GRIK2: variants seen among roughly 807,000 people sequenced by gnomAD.
GRIK2 encodes the protein glutamate receptor ionotropic, kainate 2.
Under a neutral mutation model 100.3 loss-of-function variants are expected in GRIK2, and 32 were observed. The ratio of observed to expected loss-of-function variants is 0.32; its 90% confidence interval spans 0.24 to 0.43. The LOEUF is 0.43. GRIK2 is among the 20% of genes least tolerant of loss of function. GRIK2 has a pLI of 1.00. For synonymous variants in GRIK2, 417 were observed against 389.4 expected, an observed-to-expected ratio of 1.07 and a Z score of -0.83; for missense variants, 843 against 1,114.9, an observed-to-expected ratio of 0.76 and a Z score of 3.47.
intron 14 of GRIK2, among the ~76,000 whole-genome samples, chr6:101,947,509 T>A (rs2852596): frequency 0.044 from 6,628 of 152,236 alleles, 487 homozygotes; most frequent in African/African-American, 0.15. Context: ...TTAAGGAGCA[T>A]TATAAGTACA....
intron 15 of GRIK2, among the ~76,000 whole-genome samples, chr6:102,039,600 C>T (rs1486078841): frequency 6.6e-6 from 1 of 151,590 alleles, no homozygotes; most frequent in East Asian, 2.0e-4. Context: ...AACATTTCTC[C>T]TCCTTAATAG....
intron 2 of GRIK2, among the ~76,000 whole-genome samples, chr6:101,499,409 A>G (rs564842679): frequency 6.6e-6 from 1 of 152,236 alleles, no homozygotes; most frequent in South Asian, 2.1e-4. Flanking sequence ...AGCTGTCATA[A>G]CATAAGGCTT....
At chr6:101,532,961 GAA>G (rs1775516394) in intron 2 of GRIK2, among the ~76,000 whole-genome samples, 1 of 151,678 alleles carries the variant, frequency 6.6e-6, no homozygotes, top group Non-Finnish European at 1.5e-5. Context: ...ATGAGGAAAA[GAA>G]AGGATGAAAA....
intron 14 of GRIK2, among the ~76,000 whole-genome samples, chr6:102,015,810 T>C (rs1795806027): frequency 6.6e-6 from 1 of 152,132 alleles, no homozygotes; most frequent in Non-Finnish European, 1.5e-5. Flanking sequence ...TCCCTAACCT[T>C]GAGGAACCAG....
intron 4 of GRIK2, among the ~76,000 whole-genome samples, chr6:101,645,329 G>GCT (rs946315419): frequency 2.0e-5 from 3 of 151,718 alleles, no homozygotes; most frequent in Admixed American, 6.6e-5. Flanking sequence ...ATATGCTGTT[G>GCT]CTCTCTCTCT....
chr6:101,753,814 T>C (rs1310169292), intron 7 of GRIK2, among the ~76,000 whole-genome samples: 2 of 152,064 alleles, frequency 1.3e-5, no homozygotes, highest in Non-Finnish European at 1.5e-5. Context: ...TAGCATAGAA[T>C]ATATTAAAAT....
intron 2 of GRIK2, among the ~76,000 whole-genome samples, chr6:101,592,586 C>CATATATATATATATATAT (rs1491243587): frequency 5.1e-4 from 27 of 53,376 alleles, no homozygotes; most frequent in South Asian, 8.1e-4. Context: ...TTACTAATAT[C>CATATATATATATATATAT]ACATATATAT....
At chr6:101,555,488 T>A (rs1225033247) in intron 2 of GRIK2, among the ~76,000 whole-genome samples, 1 of 152,190 alleles carries the variant, frequency 6.6e-6, no homozygotes, top group Non-Finnish European at 1.5e-5. Flanking sequence ...TATTTCAGAC[T>A]AACTCCTATA....
intron 14 of GRIK2, among the ~76,000 whole-genome samples, chr6:101,958,253 T>TTGTGTGTGTGTGTGTGTGTG (rs1554292720): frequency 0.063 from 8,786 of 139,074 alleles, 486 homozygotes; most frequent in East Asian, 0.25. Context: ...TGCTACATAT[T>TTGTGTGTGTGTGTGTGTGTG]TGTGTGTGTG....
intron 2 of GRIK2, among the ~76,000 whole-genome samples, chr6:101,518,246 G>A (rs548240638): frequency 1.3e-5 from 2 of 152,288 alleles, no homozygotes; most frequent in Non-Finnish European, 1.5e-5. Flanking sequence ...AACAGTCACT[G>A]TTAATGTATT....
intron 7 of GRIK2, among the ~76,000 whole-genome samples, chr6:101,708,744 A>G (rs918103160): frequency 6.6e-6 from 1 of 151,758 alleles, no homozygotes; most frequent in Non-Finnish European, 1.5e-5. Context: ...ACATATTTTA[A>G]TTTTTGACAT....
chr6:101,909,381 T>TTTTTTTG (rs1562480959), intron 12 of GRIK2, among the ~76,000 whole-genome samples: 2 of 136,126 alleles, frequency 1.5e-5, no homozygotes, highest in Non-Finnish European at 3.1e-5. Flanking sequence ...GTTTTCTTTT[T>TTTTTTTG]CTTTTTTTTT....
chr6:101,531,574 T>C (rs1447818761), intron 2 of GRIK2, among the ~76,000 whole-genome samples: 2 of 151,828 alleles, frequency 1.3e-5, no homozygotes, highest in African/African-American at 4.8e-5. Flanking sequence ...TATAGGTATA[T>C]AGGTTTATAA....
Position 101,583,052 on chromosome 6 carries a change from G to A in GRIK2, c.116-38897G>A, listed in dbSNP as rs546832482. Reference sequence around the variant, plus strand: ...GAGACAATCAGGCAAGGCCAAGGGAGGCATAACAGAGAAAGGCCAGGAGGC... The same window carrying A: ...GAGACAATCAGGCAAGGCCAAGGGAAGCATAACAGAGAAAGGCCAGGAGGC... On this transcript the variant is annotated intron_variant, in intron 2 of 16. Transcript: ENST00000369134. Among the ~76,000 whole-genome samples the A allele has an allele frequency of 4.6e-5, 7 of 152,256 alleles. 1 individual carries two copies. In the South Asian group the frequency reaches 1.5e-3, roughly 32 times the overall value.
intron 11 of GRIK2, among the ~76,000 whole-genome samples, chr6:101,861,854 T>A (rs1395272881): frequency 1.3e-5 from 2 of 152,058 alleles, no homozygotes; most frequent in Non-Finnish European, 2.9e-5. Context: ...ACATACAAAT[T>A]TATTTAACTT....
intron 15 of GRIK2, among the ~76,000 whole-genome samples, chr6:102,035,889 T>G (rs1302776267): frequency 6.6e-6 from 1 of 151,452 alleles, no homozygotes; most frequent in Non-Finnish European, 1.5e-5. Flanking sequence ...TACACTAAAG[T>G]TTTTGTAACA....
chr6:101,697,298 T>C (rs765958855), intron 7 of GRIK2, among the ~76,000 whole-genome samples: 1 of 151,884 alleles, frequency 6.6e-6, no homozygotes, highest in Non-Finnish European at 1.5e-5. Flanking sequence ...TTAATTATCA[T>C]CTGTTGTATG....
intron 2 of GRIK2, among the ~76,000 whole-genome samples, chr6:101,573,232 A>G (rs565689746): frequency 4.6e-5 from 7 of 152,268 alleles, no homozygotes; most frequent in African/African-American, 1.7e-4. Context: ...AGTTTTTGGC[A>G]TAAAGGAAGA....
chr6:101,594,165 A>C (rs2128307690), intron 2 of GRIK2, among the ~76,000 whole-genome samples: 1 of 151,978 alleles, frequency 6.6e-6, no homozygotes, highest in Admixed American at 6.6e-5. Flanking sequence ...GTAATGTAAT[A>C]GAGGTAGCAC....
Sources: gnomAD v4.1 joint callset for allele counts (sites outside exome capture counted in the v4.1 genomes callset) on GRCh38, gnomAD v4.1.1 for gene constraint, MANE v1.5 for transcripts, NCBI Gene and HGNC (gene_info 2026-07-23, HGNC 2026-07-21) for gene names.